IGF2BP3: variants seen among roughly 807,000 people sequenced by gnomAD.
The protein encoded by IGF2BP3 is insulin like growth factor 2 mRNA binding protein 3.
A neutral mutation model predicts 73.8 loss-of-function variants in IGF2BP3; 9 were observed. The ratio of observed to expected loss-of-function variants is 0.12; its 90% CI spans 0.07 to 0.21. IGF2BP3 has a LOEUF of 0.21. Ranked by LOEUF, IGF2BP3 falls within the 10% of genes least tolerant of loss-of-function variation. The pLI, the probability that IGF2BP3 is intolerant of heterozygous loss-of-function variation, is 1.00. For synonymous variants in IGF2BP3, 258 were observed against 256.7 expected, an observed-to-expected ratio of 1.01 and a Z score of -0.05; for missense variants, 542 against 714.0, an observed-to-expected ratio of 0.76 and a Z score of 2.75.
At chr7:23,322,170 T>G (rs1257485795) in intron 10 of IGF2BP3, among the ~76,000 whole-genome samples, 1 of 152,066 alleles carries the variant, frequency 6.6e-6, no homozygotes, top group Non-Finnish European at 1.5e-5. Context: ...TTGAAAACTT[T>G]GAAAAAAGTT....
chr7:23,388,778 C>A (rs1237991978), intron 3 of IGF2BP3, among the ~76,000 whole-genome samples: 1 of 152,068 alleles, frequency 6.6e-6, no homozygotes, highest in African/African-American at 2.4e-5. Context: ...AATCTTCATA[C>A]TATCTCTGGG....
intron 3 of IGF2BP3, among the ~76,000 whole-genome samples, chr7:23,376,220 G>GA (rs1217078069): frequency 3.9e-5 from 6 of 152,302 alleles, no homozygotes; most frequent in South Asian, 2.1e-4. Context: ...CTGCTGGGAG[G>GA]AGTGTTACTT....
intron 10 of IGF2BP3, among the ~76,000 whole-genome samples, chr7:23,332,574 A>T (rs185306058): frequency 2.1e-4 from 32 of 152,342 alleles, no homozygotes; most frequent in African/African-American, 7.7e-4. Flanking sequence ...GCTTGGCCAG[A>T]TCACTTCTGT....
At chr7:23,426,504 T>C (rs1468950750) in intron 2 of IGF2BP3, among the ~76,000 whole-genome samples, 1 of 152,220 alleles carries the variant, frequency 6.6e-6, no homozygotes, top group African/African-American at 2.4e-5. Context: ...ATGTGGCATT[T>C]GCTTATGACT....
intron 10 of IGF2BP3, among the ~76,000 whole-genome samples, chr7:23,338,003 A>G (rs1784615515): frequency 6.6e-6 from 1 of 152,160 alleles, no homozygotes; most frequent in Non-Finnish European, 1.5e-5. Flanking sequence ...CTCATGAAAA[A>G]GGAAAACGAA....
intron 10 of IGF2BP3, among the ~76,000 whole-genome samples, chr7:23,326,104 G>C (rs1400895037): frequency 1.3e-5 from 2 of 152,104 alleles, no homozygotes; most frequent in Admixed American, 1.3e-4. Context: ...CACAGCAAAA[G>C]AAACTACCAT....
chr7:23,310,600 A>G lies in IGF2BP3; in HGVS notation c.*1762T>C, dbSNP rs1783799923. The G allele has an allele frequency of 6.6e-6, 1 of 152,244 alleles. No homozygotes were observed. Among genetic ancestry groups the G allele is most frequent in the African/African-American group, 2.4e-5 (1 of 41,468 alleles). The allele number at this position is 152,244 out of a possible 1,614,324, so 9.4% of individuals were successfully genotyped here. A position where few individuals can be genotyped will look rare whatever the true frequency, so the allele number is the denominator to read the frequency against. The stretch of plus-strand genomic sequence containing the variant: ...TAGCAATTTTAATTCATTGTATGAA[A>G]AAAAAATCATGAATGCTAGGAGAAT... On this transcript the variant is annotated 3_prime_UTR_variant, in exon 15 of 15. Coordinates refer to ENST00000258729, the MANE Select transcript of IGF2BP3 (RefSeq NM_006547.3).
At position 23,411,001 on chromosome 7, in the gene IGF2BP3, G is replaced by A. The variant is rs534862823; in HGVS notation, c.285+7775C>T. On this transcript the variant is annotated intron_variant, in intron 3 of 14. Transcript: ENST00000258729. ...TACCCGGCACATAAGTGCCTAGTAC[G>A]TGTCAGCTACTTATTGGCCGAGTGG... Among the ~76,000 whole-genome samples, 19 of 152,184 alleles carry A rather than the reference G, an allele frequency of 1.2e-4. No individual in the cohort carries two copies. The South Asian group carries it at 3.7e-3, about 30-fold the overall frequency.
At chr7:23,460,971 A>G (rs987767713) in intron 2 of IGF2BP3, among the ~76,000 whole-genome samples, 21 of 152,284 alleles carry the variant, frequency 1.4e-4, no homozygotes, top group African/African-American at 4.3e-4. Flanking sequence ...TAAATAAAAA[A>G]CTAAGAAAGT....
chr7:23,458,060 A>G (rs1476961200), intron 2 of IGF2BP3, among the ~76,000 whole-genome samples: 6 of 152,186 alleles, frequency 3.9e-5, no homozygotes, highest in Non-Finnish European at 7.3e-5. Flanking sequence ...CTGAATCTCA[A>G]GGAGAAAAAT....
chr7:23,392,024 A>G (rs544399407), intron 3 of IGF2BP3, among the ~76,000 whole-genome samples: 1 of 152,332 alleles, frequency 6.6e-6, no homozygotes, highest in South Asian at 2.1e-4. Flanking sequence ...AATGACATAA[A>G]AGATAATGCA....
intron 2 of IGF2BP3, among the ~76,000 whole-genome samples, chr7:23,433,406 C>T (rs1486586415): frequency 6.6e-6 from 1 of 150,748 alleles, no homozygotes; most frequent in Non-Finnish European, 1.5e-5. Flanking sequence ...GTTGAAGATT[C>T]AATACCAAAA....
intron 12 of IGF2BP3, 111 bp from the exon 13 acceptor site, chr7:23,313,764 T>G: frequency 3.1e-6 from 3 of 954,268 alleles, no homozygotes; most frequent in South Asian, 1.7e-5. Flanking sequence ...CAGTGATACA[T>G]CTACATTTCA....
rs1351685908 is a variant in IGF2BP3 at position 23,366,625 on chromosome 7, T to C, written c.286-4884A>G. Among the ~76,000 whole-genome samples the C allele has an allele frequency of 3.4e-5, 5 of 148,962 alleles. No homozygotes were observed. In the East Asian group the frequency reaches 7.8e-4, roughly 23 times the overall value. ...TTAGAAGAAATAGGTGCAGAATCAA[T>C]CTTGGTACCTAGCTGTGGAAAAAAT... On this transcript the variant is annotated intron_variant, in intron 3 of 14. Transcript: ENST00000258729.
At chr7:23,345,478 C>A (rs573890662) in intron 8 of IGF2BP3, among the ~76,000 whole-genome samples, 30 of 152,356 alleles carry the variant, frequency 2.0e-4, no homozygotes, top group African/African-American at 7.2e-4. Context: ...GAACTGAGGC[C>A]TTCTGCCAAC....
At chr7:23,428,660 G>A (rs1182476020) in intron 2 of IGF2BP3, among the ~76,000 whole-genome samples, 4 of 150,466 alleles carry the variant, frequency 2.7e-5, no homozygotes, top group Admixed American at 6.6e-5. Flanking sequence ...AGTAAGCTAT[G>A]ACTATGCTAC....
intron 2 of IGF2BP3, among the ~76,000 whole-genome samples, chr7:23,427,237 G>T (rs1168688672): frequency 6.6e-6 from 1 of 152,124 alleles, no homozygotes; most frequent in Non-Finnish European, 1.5e-5. Context: ...GTGTATGAGG[G>T]TGCGGGCAGG....
At chr7:23,325,287 C>T (rs1784263299) in intron 10 of IGF2BP3, among the ~76,000 whole-genome samples, 1 of 152,042 alleles carries the variant, frequency 6.6e-6, no homozygotes, top group Non-Finnish European at 1.5e-5. Context: ...AACAGACAAA[C>T]AGAGAGCCAA....
At chr7:23,335,073 T>TAAAAA (rs5882898) in intron 10 of IGF2BP3, among the ~76,000 whole-genome samples, 101 of 69,108 alleles carry the variant, frequency 1.5e-3, no homozygotes, top group Middle Eastern at 0.019. Flanking sequence ...TCTTTAACAT[T>TAAAAA]AAAAAAAAAA....
Sources: allele counts gnomAD v4.1 joint callset (sites outside exome capture counted in the v4.1 genomes callset), GRCh38; gene constraint gnomAD v4.1.1; transcripts MANE v1.5; gene names NCBI Gene and HGNC (gene_info 2026-07-23, HGNC 2026-07-21).